The following DYM variants were observed in gnomAD, a reference collection of about 807,000 sequenced individuals.
The protein encoded by DYM is dymeclin.
A neutral mutation model predicts 93.1 loss-of-function variants in DYM; 78 were observed. The observed-to-expected ratio is 0.84, with a 90% CI of 0.70 to 1.01. DYM has a LOEUF of 1.01. DYM is among the 50% of genes least tolerant of loss of function. DYM has a pLI of 0.00. For synonymous variants in DYM, 321 were observed against 319.7 expected (o/e 1.00, Z -0.04); for missense variants, 789 against 845.0 (o/e 0.93, Z 0.82).
chr18:49,386,701 T>G (rs1384172445), intron 3 of DYM, among the ~76,000 whole-genome samples: 6 of 152,098 alleles, frequency 3.9e-5, no homozygotes, highest in Middle Eastern at 3.2e-3. Context: ...GAAGGCAGAT[T>G]AGGAGAAAGT....
At chr18:49,072,424 T>C (rs1034390570) in intron 17 of DYM, among the ~76,000 whole-genome samples, 3 of 152,238 alleles carry the variant, frequency 2.0e-5, no homozygotes, top group Admixed American at 6.5e-5. Context: ...ATTTGATATC[T>C]ATGAAAGTAG....
At chr18:49,190,831 C>G (rs2090898039) in intron 14 of DYM, among the ~76,000 whole-genome samples, 1 of 152,118 alleles carries the variant, frequency 6.6e-6, no homozygotes, top group African/African-American at 2.4e-5. Flanking sequence ...ACAGGGAAGA[C>G]CTTTATGATG....
At chr18:49,366,915 G>A (rs921688984) in intron 5 of DYM, among the ~76,000 whole-genome samples, 6 of 151,844 alleles carry the variant, frequency 4.0e-5, no homozygotes, top group African/African-American at 1.5e-4. Context: ...TTAGAGTAAG[G>A]GGCAGAAACC....
intron 11 of DYM, among the ~76,000 whole-genome samples, chr18:49,269,345 T>C (rs1354692194): frequency 6.6e-6 from 1 of 152,134 alleles, no homozygotes; most frequent in African/African-American, 2.4e-5. Flanking sequence ...ACAGAACCCT[T>C]ACACACTGTT....
chr18:49,439,528 T>G (rs1399232741), intron 1 of DYM, among the ~76,000 whole-genome samples: 1 of 152,146 alleles, frequency 6.6e-6, no homozygotes, highest in South Asian at 2.1e-4. Context: ...TTCTTCCTTA[T>G]CCCTAATCAA....
intron 2 of DYM, among the ~76,000 whole-genome samples, chr18:49,420,669 G>A (rs112544589): frequency 0.011 from 1,656 of 152,194 alleles, 29 homozygotes; most frequent in African/African-American, 0.038. Flanking sequence ...TCAGACAGTG[G>A]GTGCAGGACA....
chr18:49,080,681 CA>C (rs1431595186), intron 17 of DYM, among the ~76,000 whole-genome samples: 59 of 148,900 alleles, frequency 4.0e-4, no homozygotes, highest in African/African-American at 4.2e-4. Context: ...GGCTGCCGGG[CA>C]GAGACGCTCC....
chr18:49,330,298 A>AG (rs956997894), intron 8 of DYM, among the ~76,000 whole-genome samples: 5 of 152,212 alleles, frequency 3.3e-5, no homozygotes, highest in African/African-American at 1.2e-4. Flanking sequence ...TAAAACCGTG[A>AG]GAAAAAAAAG....
At chr18:49,083,657 T>A (rs2078247131) in intron 17 of DYM, among the ~76,000 whole-genome samples, 1 of 152,230 alleles carries the variant, frequency 6.6e-6, no homozygotes, top group Non-Finnish European at 1.5e-5. Context: ...AGATTTTAAT[T>A]ACTAATTCAT....
At chr18:49,368,026 C>T (rs1209422654) in intron 5 of DYM, among the ~76,000 whole-genome samples, 1 of 152,146 alleles carries the variant, frequency 6.6e-6, no homozygotes, top group East Asian at 1.9e-4. Flanking sequence ...CCAAAAATGT[C>T]TCTTGTAGGT....
intron 10 of DYM, among the ~76,000 whole-genome samples, chr18:49,280,038 T>C (rs1475650914): frequency 6.6e-6 from 1 of 152,240 alleles, no homozygotes; most frequent in Non-Finnish European, 1.5e-5. Context: ...ATTTCATTGC[T>C]GTCAGCCAGC....
At chr18:49,133,907 C>T (rs1417117671) in intron 15 of DYM, among the ~76,000 whole-genome samples, 1 of 152,156 alleles carries the variant, frequency 6.6e-6, no homozygotes, top group Non-Finnish European at 1.5e-5. Context: ...GGACACTTTT[C>T]AGGGGCTATT....
intron 11 of DYM, among the ~76,000 whole-genome samples, chr18:49,270,068 T>C (rs1281206813): frequency 6.6e-6 from 1 of 152,244 alleles, no homozygotes; most frequent in Non-Finnish European, 1.5e-5. Context: ...AACGCTGTAC[T>C]GGTTTGTGGC....
chr18:49,380,753 GAC>G (rs1189633167), intron 3 of DYM, among the ~76,000 whole-genome samples: 2 of 152,222 alleles, frequency 1.3e-5, no homozygotes, highest in African/African-American at 4.8e-5. Context: ...CTGATGAAGA[GAC>G]AGGCTCAGAA....
At chr18:49,097,575 C>A in intron 16 of DYM, 60 bp from the exon 17 acceptor site, 1 of 1,400,948 alleles carries the variant, frequency 7.1e-7, no homozygotes, top group Non-Finnish European at 1.0e-6. Context: ...TTTTAGTAGC[C>A]GCCTTTCTCA....
chr18:49,279,740 C>CCAT (rs1461733664), intron 10 of DYM, among the ~76,000 whole-genome samples: 1 of 152,076 alleles, frequency 6.6e-6, no homozygotes, highest in African/African-American at 2.4e-5. Flanking sequence ...CTATCCACAC[C>CCAT]CATCAGGAAA....
intron 2 of DYM, among the ~76,000 whole-genome samples, chr18:49,410,301 T>C (rs1403886714): frequency 6.6e-6 from 1 of 151,932 alleles, no homozygotes; most frequent in African/African-American, 2.4e-5. Flanking sequence ...CCTCAAACAA[T>C]CCTCCTGCCT....
intron 8 of DYM, among the ~76,000 whole-genome samples, chr18:49,330,259 T>G (rs2063214266): frequency 6.6e-6 from 1 of 152,192 alleles, no homozygotes; most frequent in Non-Finnish European, 1.5e-5. Flanking sequence ...ATAAATCTAT[T>G]TTAATGCACT....
At chr18:49,196,492 A>G (rs74334864) in intron 14 of DYM, among the ~76,000 whole-genome samples, 12,002 of 152,022 alleles carry the variant, frequency 0.079, 747 homozygotes, top group East Asian at 0.29. Context: ...GGAACTAATG[A>G]TCTACTCTTA....
Sources: gnomAD v4.1 joint callset for allele counts (sites outside exome capture counted in the v4.1 genomes callset) on GRCh38, gnomAD v4.1.1 for gene constraint, MANE v1.5 for transcripts, NCBI Gene and HGNC (gene_info 2026-07-23, HGNC 2026-07-21) for gene names.